RYR2: variants seen among roughly 807,000 people sequenced by gnomAD.
RYR2 encodes the protein cardiac muscle ryanodine receptor-calcium release channel.
Under a neutral mutation model 601.1 loss-of-function variants are expected in RYR2, and 227 were observed. That is an observed-to-expected ratio of 0.38 (90% CI 0.34 to 0.42). The LOEUF is 0.42. Among genes scored for constraint, RYR2 ranks in the 10% least tolerant of loss-of-function variants. The pLI is 1.00. For synonymous variants in RYR2, 2,223 were observed against 2,175.1 expected, an observed-to-expected ratio of 1.02 and a Z score of -0.61; for missense variants, 4,646 against 6,156.5, an observed-to-expected ratio of 0.75 and a Z score of 8.21.
intron 2 of RYR2, among the ~76,000 whole-genome samples, chr1:237,316,009 C>G (rs557604506): frequency 9.2e-5 from 14 of 151,852 alleles, no homozygotes; most frequent in Admixed American, 2.0e-4. Flanking sequence ...GTAGAAGGGA[C>G]TGGAGATGAA....
intron 17 of RYR2, chr1:237,471,265 A>G (rs1177289769): frequency 2.0e-5 from 3 of 152,368 alleles, no homozygotes; most frequent in African/African-American, 7.2e-5. Context: ...GAAGCTTCCA[A>G]CTTGCTTCTC....
At chr1:237,051,404 A>G (rs1661270900) in intron 1 of RYR2, among the ~76,000 whole-genome samples, 1 of 141,334 alleles carries the variant, frequency 7.1e-6, no homozygotes, top group African/African-American at 2.7e-5. Context: ...GAGAGATGCT[A>G]TTTTGATAGT....
chr1:237,190,026 C>G (rs1392497123), intron 1 of RYR2, among the ~76,000 whole-genome samples: 1 of 151,956 alleles, frequency 6.6e-6, no homozygotes, highest in African/African-American at 2.4e-5. Context: ...GCACCTACCA[C>G]CACGCCCAGC....
At chr1:237,622,850 G>A (rs1309709779) in intron 38 of RYR2, among the ~76,000 whole-genome samples, 2 of 152,088 alleles carry the variant, frequency 1.3e-5, no homozygotes, top group Non-Finnish European at 1.5e-5. Context: ...TCTCTATGGA[G>A]GGTCCTGGAA....
intron 65 of RYR2, among the ~76,000 whole-genome samples, chr1:237,700,878 G>A (rs920755803): frequency 3.9e-5 from 6 of 152,188 alleles, no homozygotes; most frequent in South Asian, 4.1e-4. Flanking sequence ...ATGTGAAGAC[G>A]ACTGAGACAA....
intron 25 of RYR2, among the ~76,000 whole-genome samples, chr1:237,544,447 G>A (rs1230593455): frequency 2.6e-5 from 4 of 152,106 alleles, no homozygotes; most frequent in Non-Finnish European, 5.9e-5. Context: ...AATAATAGGA[G>A]TTTTTCCCAT....
At chr1:237,268,205 A>C (rs10495394) in intron 1 of RYR2, among the ~76,000 whole-genome samples, 1 of 152,148 alleles carries the variant, frequency 6.6e-6, no homozygotes, top group South Asian at 2.1e-4. Flanking sequence ...TCTAGCATCC[A>C]AAAGAGTAAG....
intron 25 of RYR2, among the ~76,000 whole-genome samples, chr1:237,541,237 G>A (rs988100936): frequency 6.6e-6 from 1 of 152,122 alleles, no homozygotes; most frequent in Admixed American, 6.6e-5. Context: ...CTCTGATTGG[G>A]CCTAATTTAG....
chr1:237,692,977 G>C (rs1687079318), intron 63 of RYR2, among the ~76,000 whole-genome samples: 1 of 152,156 alleles, frequency 6.6e-6, no homozygotes, highest in African/African-American at 2.4e-5. Flanking sequence ...AATATTTTAT[G>C]AATATATGAT....
intron 62 of RYR2, among the ~76,000 whole-genome samples, chr1:237,685,024 C>G (rs981825602): frequency 1.3e-5 from 2 of 151,764 alleles, no homozygotes; most frequent in Non-Finnish European, 2.9e-5. Context: ...TGACAGAACT[C>G]CAAAAAAGAA....
chr1:237,274,528 C>A (rs1471512004), intron 2 of RYR2, among the ~76,000 whole-genome samples: 2 of 151,978 alleles, frequency 1.3e-5, no homozygotes, highest in African/African-American at 4.8e-5. Context: ...AAAAAGCTAA[C>A]AAAATTAAAG....
intron 1 of RYR2, chr1:237,270,238 G>A: frequency 1.6e-6 from 1 of 609,750 alleles, no homozygotes; most frequent in South Asian, 1.5e-5. Context: ...GGATCAGTCA[G>A]TACAGTCAGA....
intron 37 of RYR2, among the ~76,000 whole-genome samples, chr1:237,616,842 TGAG>T (rs1395438994): frequency 6.6e-6 from 1 of 152,000 alleles, no homozygotes; most frequent in African/African-American, 2.4e-5. Context: ...GAAAGGCAAA[TGAG>T]GAGCAAAGTC....
chr1:237,319,640 G>C (rs1469212252), intron 2 of RYR2, among the ~76,000 whole-genome samples: 1 of 152,142 alleles, frequency 6.6e-6, no homozygotes, highest in Non-Finnish European at 1.5e-5. Flanking sequence ...TTCAGGTAAT[G>C]ATGGTACAGA....
At chr1:237,052,334 A>G (rs557137440) in intron 1 of RYR2, among the ~76,000 whole-genome samples, 1 of 152,328 alleles carries the variant, frequency 6.6e-6, no homozygotes, top group African/African-American at 2.4e-5. Flanking sequence ...TGTGGTCATG[A>G]TATTGGGCTC....
At chr1:237,348,171 T>TTAC (rs1698461409) in intron 3 of RYR2, among the ~76,000 whole-genome samples, 2 of 152,164 alleles carry the variant, frequency 1.3e-5, no homozygotes, top group Admixed American at 6.5e-5. Context: ...ATTATTATTA[T>TTAC]TACGAGACAG....
chr1:237,631,634 T>A, intron 42 of RYR2, 93 bp downstream of exon 42: 2 of 543,252 alleles, frequency 3.7e-6, no homozygotes, highest in South Asian at 5.1e-5. Flanking sequence ...TTTTTTTTTT[T>A]TTTTTTTTTT....
rs369108132 is a variant in RYR2, at chr1:237,065,286, TTTTTTTTTTTC to T, written c.48+22718_48+22728del. 9.7e-3 allele frequency among the ~76,000 whole-genome samples: 571 copies of T among 58,726 alleles called. 9 individuals carry two copies. Among genetic ancestry groups the T allele is most frequent in the African/African-American group, 0.027 (468 of 17,606 alleles). 38.5% of individuals were successfully genotyped at this position (58,726 alleles called of 152,430 possible). A position where few individuals can be genotyped will look rare whatever the true frequency, so the allele number is the denominator to read the frequency against. On this transcript the variant is annotated intron_variant, in intron 1 of 104. Coordinates refer to ENST00000366574, the MANE Select transcript of RYR2 (RefSeq NM_001035.3). Reference sequence around the variant, plus strand: ...GTGCTATCCTTTTTTTTTTTTTTTTTTTTTTTTTTTCGAGAGGGAGTCTTGCATTGTCGCCC... The same window carrying T: ...GTGCTATCCTTTTTTTTTTTTTTTTTGAGAGGGAGTCTTGCATTGTCGCCC...
intron 1 of RYR2, among the ~76,000 whole-genome samples, chr1:237,199,075 C>T (rs560166920): frequency 6.6e-6 from 1 of 152,234 alleles, no homozygotes; most frequent in South Asian, 2.1e-4. Context: ...TGCCGGGGTC[C>T]TGCAGAGTGT....
Sources: allele counts gnomAD v4.1 joint callset (sites outside exome capture counted in the v4.1 genomes callset), GRCh38; gene constraint gnomAD v4.1.1; transcripts MANE v1.5; gene names NCBI Gene and HGNC (gene_info 2026-07-23, HGNC 2026-07-21).